The following ZFAND3 variants were observed in gnomAD, a reference collection of about 807,000 sequenced individuals.
ZFAND3 encodes AN1-type zinc finger protein 3.
Under a neutral mutation model 29.6 loss-of-function variants are expected in ZFAND3, and 10 were observed. That is an observed-to-expected ratio of 0.34 (90% CI 0.21 to 0.57). The LOEUF (loss-of-function observed/expected upper bound fraction) is 0.57. Among genes scored for constraint, ZFAND3 ranks in the 20% least tolerant of loss-of-function variants. ZFAND3 has a pLI of 0.86. For missense variants in ZFAND3, 230 were observed against 304.5 expected, an observed-to-expected ratio of 0.76 and a Z score of 1.82; for synonymous variants, 128 against 112.6, an observed-to-expected ratio of 1.14 and a Z score of -0.87.
intron 2 of ZFAND3, among the ~76,000 whole-genome samples, chr6:38,005,336 G>A (rs9470744): frequency 0.03 from 4,513 of 152,250 alleles, 175 homozygotes; most frequent in African/African-American, 0.086. Flanking sequence ...CCAAAGGATG[G>A]CAGACATTGA....
chr6:37,870,292 CAAAAAAAAAAAAAAA>C lies in ZFAND3; in HGVS notation c.71+50289_71+50303del, dbSNP rs1174577231. Among the ~76,000 whole-genome samples, 6 of 33,496 alleles carry C rather than the reference CAAAAAAAAAAAAAAA, an allele frequency of 1.8e-4. No individual in the cohort carries two copies. The South Asian group carries it at 5.6e-3, about 32-fold the overall frequency. The allele number at this position is 33,496 out of a possible 152,430, so 22.0% of individuals were successfully genotyped here. On this transcript the variant is annotated intron_variant, in intron 1 of 5. Coordinates refer to ENST00000287218, the MANE Select transcript of ZFAND3 (RefSeq NM_021943.3). ...CCTGGGCGACAGAGCGAGACTGTCTCAAAAAAAAAAAAAAAAAAAAAAAAAAAGGGCGGGCACAGT... is the reference window on the plus strand; with the variant it reads ...CCTGGGCGACAGAGCGAGACTGTCTCAAAAAAAAAAAAGGGCGGGCACAGT...
intron 1 of ZFAND3, among the ~76,000 whole-genome samples, chr6:37,896,551 TTTCTTTC>T (rs1765213531): frequency 7.6e-6 from 1 of 131,288 alleles, no homozygotes; most frequent in African/African-American, 3.3e-5. Context: ...TCTTTCTTTC[TTTCTTTC>T]TTTCTTTCTT....
intron 4 of ZFAND3, among the ~76,000 whole-genome samples, chr6:38,107,131 A>G (rs996442922): frequency 6.6e-6 from 1 of 152,202 alleles, no homozygotes; most frequent in African/African-American, 2.4e-5. Flanking sequence ...AGAAAAAGAC[A>G]AGGAGACCAT....
chr6:38,010,201 A>G (rs1392687843), intron 2 of ZFAND3, among the ~76,000 whole-genome samples: 3 of 152,226 alleles, frequency 2.0e-5, no homozygotes, highest in Non-Finnish European at 4.4e-5. Context: ...GCGCACTCAC[A>G]GTCACTCATT....
chr6:38,007,988 C>T (rs1284708368), intron 2 of ZFAND3, among the ~76,000 whole-genome samples: 1 of 152,162 alleles, frequency 6.6e-6, no homozygotes, highest in Admixed American at 6.5e-5. Context: ...TTGGGAGCTG[C>T]TGGAAATACA....
At chr6:38,133,634 C>CT (rs1247585583) in intron 5 of ZFAND3, among the ~76,000 whole-genome samples, 2 of 151,876 alleles carry the variant, frequency 1.3e-5, no homozygotes, top group Non-Finnish European at 2.9e-5. Flanking sequence ...CCTGTAGTCC[C>CT]AGCTACTCGG....
chr6:38,120,630 T>C (rs1186105050), intron 5 of ZFAND3, among the ~76,000 whole-genome samples: 2 of 152,160 alleles, frequency 1.3e-5, no homozygotes, highest in East Asian at 3.9e-4. Context: ...CCGGCCTTCT[T>C]GGCTTCTTAA....
rs928395796 is a variant in ZFAND3, at chr6:37,931,567, C to A, written c.112+1568C>A. Reference sequence around the variant, plus strand: ...CAAAAAAAAAAAAACAAAAAAAAAACCAACCAAACAAAAAAAAGAAATGTT... The same window carrying A: ...CAAAAAAAAAAAAACAAAAAAAAAAACAACCAAACAAAAAAAAGAAATGTT... On this transcript the variant is annotated intron_variant, in intron 2 of 5. Coordinates refer to ENST00000287218, the MANE Select transcript of ZFAND3 (RefSeq NM_021943.3). 9.4e-5 allele frequency among the ~76,000 whole-genome samples: 14 copies of A among 148,156 alleles called. No homozygotes were observed. In the East Asian group the frequency reaches 9.9e-4, roughly 10 times the overall value.
intron 5 of ZFAND3, among the ~76,000 whole-genome samples, chr6:38,117,505 G>A (rs768039043): frequency 1.3e-5 from 2 of 152,144 alleles, no homozygotes; most frequent in South Asian, 2.1e-4. Context: ...ACATAGGAAC[G>A]AAATTGTGTA....
chr6:37,901,274 T>C (rs893280223), intron 1 of ZFAND3, among the ~76,000 whole-genome samples: 2 of 152,112 alleles, frequency 1.3e-5, no homozygotes, highest in Non-Finnish European at 2.9e-5. Flanking sequence ...AAGGGAGATT[T>C]GAGTGGTAAA....
chr6:37,967,540 G>C (rs1177268318), intron 2 of ZFAND3, among the ~76,000 whole-genome samples: 6 of 152,176 alleles, frequency 3.9e-5, no homozygotes, highest in South Asian at 4.1e-4. Flanking sequence ...GCTACTTCCA[G>C]ATCCTCTCAG....
intron 4 of ZFAND3, among the ~76,000 whole-genome samples, chr6:38,111,554 A>G (rs1765316525): frequency 6.6e-6 from 1 of 152,174 alleles, no homozygotes; most frequent in Non-Finnish European, 1.5e-5. Flanking sequence ...CTCCTCAGCT[A>G]GTCAGCGTGA....
At chr6:37,993,498 T>C (rs1461341197) in intron 2 of ZFAND3, among the ~76,000 whole-genome samples, 1 of 152,108 alleles carries the variant, frequency 6.6e-6, no homozygotes, top group East Asian at 1.9e-4. Context: ...GGCTAATTTT[T>C]ATATTTTCAG....
At chr6:38,119,375 G>T (rs1169518545) in intron 5 of ZFAND3, among the ~76,000 whole-genome samples, 1 of 152,164 alleles carries the variant, frequency 6.6e-6, no homozygotes, top group Non-Finnish European at 1.5e-5. Flanking sequence ...GACTCAGGAA[G>T]GTAGTTTGAG....
At position 37,855,004 on chromosome 6, in the gene ZFAND3, C is replaced by T. The variant is rs1273136403; in HGVS notation, c.71+34988C>T. Among the ~76,000 whole-genome samples the T allele has an allele frequency of 7.9e-5, 8 of 101,334 alleles. No individual in the cohort carries two copies. In the Admixed American group the frequency reaches 1.2e-3, roughly 15 times the overall value. 66.5% of individuals were successfully genotyped at this position (101,334 alleles called of 152,430 possible). On this transcript the variant is annotated intron_variant, in intron 1 of 5. Coordinates refer to ENST00000287218, the MANE Select transcript of ZFAND3 (RefSeq NM_021943.3). ...TTTTTTTTGGTGAGGCATTTGGGAT[C>T]TTGCTGGATTATGGTATGGTTGCTC...
At chr6:37,938,345 C>G (rs556584709) in intron 2 of ZFAND3, among the ~76,000 whole-genome samples, 12 of 152,082 alleles carry the variant, frequency 7.9e-5, no homozygotes, top group Non-Finnish European at 1.3e-4. Flanking sequence ...CTCTTTGTAC[C>G]AAACTGGTAC....
chr6:38,092,736 A>T (rs1286049360), intron 4 of ZFAND3, among the ~76,000 whole-genome samples: 1 of 152,236 alleles, frequency 6.6e-6, no homozygotes, highest in African/African-American at 2.4e-5. Context: ...TCGAGTGCTC[A>T]ACTTCACTAA....
At chr6:37,847,384 G>A (rs1764200958) in intron 1 of ZFAND3, among the ~76,000 whole-genome samples, 1 of 151,892 alleles carries the variant, frequency 6.6e-6, no homozygotes, top group Non-Finnish European at 1.5e-5. Context: ...GACCATCCTG[G>A]CCAGCATGGT....
intron 1 of ZFAND3, among the ~76,000 whole-genome samples, chr6:37,839,136 A>G (rs1009630852): frequency 1.3e-5 from 2 of 151,802 alleles, no homozygotes; most frequent in African/African-American, 2.4e-5. Context: ...AATATTTTGC[A>G]TGTTTTAAAA....
Sources: gnomAD v4.1 joint callset for allele counts (sites outside exome capture counted in the v4.1 genomes callset) on GRCh38, gnomAD v4.1.1 for gene constraint, MANE v1.5 for transcripts, NCBI Gene and HGNC (gene_info 2026-07-23, HGNC 2026-07-21) for gene names.